LSMEM1: variants seen among roughly 807,000 people sequenced by gnomAD.
LSMEM1 encodes leucine-rich single-pass membrane protein 1.
Under a neutral mutation model 11.3 loss-of-function variants are expected in LSMEM1, and 10 were observed. That is an observed-to-expected ratio of 0.89 (90% CI 0.55 to 1.50). The LOEUF (loss-of-function observed/expected upper bound fraction) is 1.50, where lower values mean the gene tolerates loss of function less well. Among genes scored for constraint, LSMEM1 ranks in the 40% most tolerant of loss-of-function variants. The pLI, the probability that LSMEM1 is intolerant of heterozygous loss-of-function variation, is 0.00. For missense variants in LSMEM1, 151 were observed against 152.9 expected (o/e 0.99, Z 0.06); for synonymous variants, 65 against 59.3 (o/e 1.10, Z -0.44).
chr7:112,482,349 A>G (rs1478356188), intron 1 of LSMEM1, among the ~76,000 whole-genome samples: 2 of 152,204 alleles, frequency 1.3e-5, no homozygotes, highest in Admixed American at 1.3e-4. Flanking sequence ...GTACTCTTAA[A>G]GTCAGTTTTT....
At chr7:112,481,826 G>C (rs1796038302) in intron 1 of LSMEM1, among the ~76,000 whole-genome samples, 2 of 152,128 alleles carry the variant, frequency 1.3e-5, no homozygotes, top group Non-Finnish European at 2.9e-5. Context: ...TATAAGAAAG[G>C]GTTCTGTTAA....
In LSMEM1 at chr7:112,490,157, T is replaced by C. The variant is rs1392208656; in HGVS notation, c.*208T>C. The C allele has an allele frequency of 4.2e-6, 2 of 478,900 alleles. No individual in the cohort carries two copies. Among genetic ancestry groups the C allele is most frequent in the Non-Finnish European group, 7.3e-6 (2 of 274,196 alleles). The allele number at this position is 478,900 out of a possible 1,614,324, so 29.7% of individuals were successfully genotyped here. A position where few individuals can be genotyped will look rare whatever the true frequency, so the allele number is the denominator to read the frequency against. The stretch of plus-strand genomic sequence containing the variant: ...AATAGCAACTAAAAAGGGGTGAACT[T>C]GTCTCAGCCCCCTTTTATGGTAGGG... On this transcript the variant is annotated 3_prime_UTR_variant, in exon 4 of 4. Coordinates refer to ENST00000312849, the MANE Select transcript of LSMEM1 (RefSeq NM_182597.3).
rs189364476 is a variant in LSMEM1, at chr7:112,488,657, G to T, written c.257-1153G>T. 1.5e-3 allele frequency among the ~76,000 whole-genome samples: 235 copies of T among 151,956 alleles called. 2 individuals are homozygous for T. The highest frequency in any genetic ancestry group is 5.1e-3 in the African/African-American group (213 of 41,406). On this transcript the variant is annotated intron_variant, in intron 3 of 3. Coordinates refer to ENST00000312849, the MANE Select transcript of LSMEM1 (RefSeq NM_182597.3). ...ACTGTTGCCCAGGCTGGAGTGCAGT[G>T]GCGTGATCTCAGCTCACTGCAATGC...
At chr7:112,486,879 T>C in intron 2 of LSMEM1, 44 bp from the exon 3 acceptor site, 1 of 1,612,492 alleles carries the variant, frequency 6.2e-7, no homozygotes, top group Non-Finnish European at 8.5e-7. Flanking sequence ...ACAAGTTGTA[T>C]GCTGAGCAGT....
intron 3 of LSMEM1, among the ~76,000 whole-genome samples, chr7:112,488,859 A>G (rs376813359): frequency 9.9e-5 from 15 of 152,164 alleles, no homozygotes; most frequent in East Asian, 3.9e-4. Context: ...GGCCTTCCAA[A>G]GTGCTGGGAT....
At chr7:112,480,799 T>C (rs1156748601), upstream of LSMEM1, 3 of 456,142 alleles carry the variant, frequency 6.6e-6, no homozygotes, top group Non-Finnish European at 1.3e-5. Flanking sequence ...ATCCTTGTTA[T>C]GATGTCATAA....
Position 112,489,850 on chromosome 7 carries a change from A to C in LSMEM1, c.297A>C (p.Leu99=), listed in dbSNP as rs1370215073. The change falls in exon 4 of 4, where the codon CTA becomes CTC. Residue 99 remains leucine, a synonymous_variant. Transcript: ENST00000312849. ...AGATGGATGATGTGTCAAGAAGACT[A>C]ACAGCTGAAGGAAAAGACATAGATG... ...GNKMDDVSRR[L]TAEGKDIDDL... is the part of the protein sequence containing the mutation. 6.2e-7 allele frequency: 1 copy of C among 1,614,058 alleles called. No homozygotes were observed. The highest frequency in any genetic ancestry group is 2.2e-5 in the East Asian group (1 of 44,884).
intron 2 of LSMEM1, among the ~76,000 whole-genome samples, chr7:112,485,510 T>C (rs1796111638): frequency 6.6e-6 from 1 of 152,216 alleles, no homozygotes; most frequent in Non-Finnish European, 1.5e-5. Context: ...CTAGCTTAAA[T>C]GCTGACATTC....
chr7:112,487,175 A>AAAAAGAAGGAATG (rs80021210), intron 3 of LSMEM1, 124 bp downstream of exon 3: 128,348 of 1,099,582 alleles, frequency 0.12, 10,556 homozygotes, highest in South Asian at 0.27. Flanking sequence ...CTTACATTGA[A>AAAAAGAAGGAATG]AAAAGAAGGA....
At chr7:112,489,363 T>C (rs1322702831) in intron 3 of LSMEM1, among the ~76,000 whole-genome samples, 1 of 152,236 alleles carries the variant, frequency 6.6e-6, no homozygotes, top group East Asian at 1.9e-4. Context: ...TATTACACAT[T>C]CATTTTGGGC....
chr7:112,489,665 G>T, intron 3 of LSMEM1, 145 bp from the exon 4 acceptor site: 1 of 854,402 alleles, frequency 1.2e-6, no homozygotes. Flanking sequence ...TTTCTCTACT[G>T]GGCTTCTGGC....
intron 3 of LSMEM1, 35 bp downstream of exon 3, chr7:112,487,086 G>C: frequency 6.2e-7 from 1 of 1,606,492 alleles, no homozygotes; most frequent in Non-Finnish European, 8.5e-7. Flanking sequence ...TTTATTACTT[G>C]TATGCATTTA....
At chr7:112,486,631 C>T (rs753998609) in intron 2 of LSMEM1, among the ~76,000 whole-genome samples, 6 of 152,000 alleles carry the variant, frequency 3.9e-5, no homozygotes, top group Admixed American at 2.6e-4. Context: ...AAAAACTTAG[C>T]GGGACGTGGT....
intron 1 of LSMEM1, chr7:112,483,695 AG>A (rs1796076056): frequency 6.6e-6 from 1 of 152,206 alleles, no homozygotes; most frequent in Non-Finnish European, 1.5e-5. Context: ...AGTAGCACAA[AG>A]CAAGACTCAT....
At chr7:112,483,658 G>A (rs1398686704) in intron 1 of LSMEM1, 1 of 152,194 alleles carries the variant, frequency 6.6e-6, no homozygotes, top group African/African-American at 2.4e-5. Flanking sequence ...TCTTGAGGCA[G>A]GATTAGGAAG....
intron 3 of LSMEM1, among the ~76,000 whole-genome samples, chr7:112,488,483 A>T (rs541027126): frequency 6.6e-5 from 10 of 152,308 alleles, no homozygotes; most frequent in African/African-American, 2.4e-4. Context: ...TGAGGGAAAT[A>T]ATACCAAATG....
chr7:112,480,324 C>T (rs1163890444), upstream of LSMEM1, among the ~76,000 whole-genome samples: 1 of 152,190 alleles, frequency 6.6e-6, no homozygotes, highest in Admixed American at 6.5e-5. Context: ...AGGCTGGGAT[C>T]ATGCCACTGC....
chr7:112,488,491 A>C (rs188573857), intron 3 of LSMEM1, among the ~76,000 whole-genome samples: 1 of 152,252 alleles, frequency 6.6e-6, no homozygotes, highest in Non-Finnish European at 1.5e-5. Flanking sequence ...ATAATACCAA[A>C]TGCTATATAT....
intron 1 of LSMEM1, among the ~76,000 whole-genome samples, chr7:112,482,516 C>T (rs1302453627): frequency 6.6e-6 from 1 of 152,200 alleles, no homozygotes; most frequent in Non-Finnish European, 1.5e-5. Context: ...AGTTACCACA[C>T]CTAAAATAGA....
Sources: gnomAD v4.1 joint callset for allele counts (sites outside exome capture counted in the v4.1 genomes callset) on GRCh38, gnomAD v4.1.1 for gene constraint, MANE v1.5 for transcripts, NCBI Gene and HGNC (gene_info 2026-07-23, HGNC 2026-07-21) for gene names.